MYO18B: variants seen among roughly 807,000 people sequenced by gnomAD.
MYO18B encodes unconventional myosin-XVIIIb.
MYO18B carries 204 observed loss-of-function variants against 273.0 expected under a neutral mutation model. The observed-to-expected ratio is 0.75, with a 90% CI of 0.67 to 0.84. The LOEUF (loss-of-function observed/expected upper bound fraction) is 0.84, where lower values mean the gene tolerates loss of function less well. MYO18B is among the 40% of genes least tolerant of loss of function. MYO18B has a pLI of 0.00. For missense variants in MYO18B, 3,212 were observed against 3,287.6 expected (o/e 0.98, Z 0.56); for synonymous variants, 1,330 against 1,305.7 (o/e 1.02, Z -0.40).
At chr22:25,752,370 G>A (rs1189053749) in intron 1 of MYO18B, among the ~76,000 whole-genome samples, 1 of 150,984 alleles carries the variant, frequency 6.6e-6, no homozygotes, top group Non-Finnish European at 1.5e-5. Context: ...TGTATTTTTA[G>A]TAGAGACGGG....
intron 14 of MYO18B, among the ~76,000 whole-genome samples, chr22:25,828,019 T>G (rs1413830520): frequency 6.6e-6 from 1 of 152,176 alleles, no homozygotes; most frequent in Non-Finnish European, 1.5e-5. Context: ...GAACCAAGGT[T>G]CAACTAAGGG....
chr22:25,972,127 A>T (rs1279019351), intron 39 of MYO18B, among the ~76,000 whole-genome samples: 1 of 151,080 alleles, frequency 6.6e-6, no homozygotes, highest in South Asian at 2.1e-4. Flanking sequence ...AAAAAAATAC[A>T]TACATATATA....
the MYO18B span, among the ~76,000 whole-genome samples, chr22:26,041,560 C>T: frequency 6.6e-6 from 1 of 151,968 alleles, no homozygotes; most frequent in South Asian, 2.1e-4. Flanking sequence ...AATAAAAAGA[C>T]TGGACACCCT....
chr22:25,948,363 C>T (rs1392769588), intron 36 of MYO18B, among the ~76,000 whole-genome samples: 1 of 152,138 alleles, frequency 6.6e-6, no homozygotes, highest in Non-Finnish European at 1.5e-5. Flanking sequence ...CATTTATTCA[C>T]CTATCCACCT....
At chr22:25,811,786 G>C (rs1001028257) in intron 12 of MYO18B, among the ~76,000 whole-genome samples, 2 of 152,074 alleles carry the variant, frequency 1.3e-5, no homozygotes, top group African/African-American at 4.8e-5. Context: ...TGCCATTTTG[G>C]TATTATAAAT....
chr22:25,868,269 G>C, intron 21 of MYO18B, 51 bp from the exon 22 acceptor site: 1 of 1,496,612 alleles, frequency 6.7e-7, no homozygotes, highest in African/African-American at 1.4e-5. Flanking sequence ...TTCCCCTTTA[G>C]GATCCTCCTA....
At chr22:25,907,838 C>G (rs959475018) in intron 31 of MYO18B, among the ~76,000 whole-genome samples, 4 of 152,008 alleles carry the variant, frequency 2.6e-5, no homozygotes, top group Non-Finnish European at 5.9e-5. Context: ...AGTTTGAGAT[C>G]ATCTTGATCA....
rs369298448 is a variant in MYO18B, at chr22:25,749,134, T to C, written c.-110+6841T>C. 2.0e-4 allele frequency among the ~76,000 whole-genome samples: 31 copies of C among 152,294 alleles called. No individual in the cohort carries two copies. The South Asian group carries it at 5.6e-3, about 27-fold the overall frequency. On this transcript the variant is annotated intron_variant, in intron 1 of 43. Coordinates refer to ENST00000335473, the MANE Select transcript of MYO18B (RefSeq NM_032608.7). The stretch of plus-strand genomic sequence containing the variant: ...GGCAGCCACTATCCGTCTATCAGGA[T>C]TGATATGTGAATTAAAACCTACTTC...
chr22:25,932,411 C>CTTT (rs778189259), intron 34 of MYO18B, among the ~76,000 whole-genome samples: 1,350 of 81,504 alleles, frequency 0.017, 20 homozygotes, highest in African/African-American at 0.041. Flanking sequence ...TCTTTTCTTT[C>CTTT]TTTTTTTTTT....
At chr22:25,783,050 T>C (rs1489802187) in intron 10 of MYO18B, among the ~76,000 whole-genome samples, 1 of 152,174 alleles carries the variant, frequency 6.6e-6, no homozygotes, top group Non-Finnish European at 1.5e-5. Context: ...TGTATCCCAG[T>C]GTTGTGGTGA....
chr22:26,063,608 G>A, the MYO18B span, among the ~76,000 whole-genome samples: 1 of 152,058 alleles, frequency 6.6e-6, no homozygotes, highest in Non-Finnish European at 1.5e-5. Flanking sequence ...TTCCATCTCT[G>A]ATCAACATGG....
Position 26,004,816 on chromosome 22 carries a change from C to T in MYO18B, c.6431C>T (p.Ser2144Phe). 1 of 1,613,868 alleles carries T rather than the reference C, an allele frequency of 6.2e-7. No homozygotes were observed. The highest frequency in any genetic ancestry group is 8.5e-7 in the Non-Finnish European group (1 of 1,179,790). ...SLATDTMRTPSRQSATSSRIL... is the reference protein window; with the variant it reads ...SLATDTMRTPFRQSATSSRIL... ...GCCACAGATACTATGAGGACTCCTT[C>T]TCGACAGTCAGCCACCAGCAGCCGC... is the stretch of plus-strand genomic sequence containing the variant. The change falls in exon 42 of 44, where the codon TCT (serine) becomes TTT (phenylalanine). Residue 2144 changes from serine (S) to phenylalanine (F), a missense_variant. Ser to Phe is a radical substitution (Grantham distance 155). Coordinates refer to ENST00000335473, the MANE Select transcript of MYO18B (RefSeq NM_032608.7).
intron 42 of MYO18B, among the ~76,000 whole-genome samples, chr22:26,024,693 G>A (rs1330872842): frequency 6.6e-6 from 1 of 152,170 alleles, no homozygotes; most frequent in Non-Finnish European, 1.5e-5. Flanking sequence ...CATTGCCATG[G>A]CGATCTCACA....
rs773453954 is a variant in MYO18B at position 25,769,129 on chromosome 22, G to A, written c.1213G>A (p.Ala405Thr). The change falls in exon 4 of 44, where the codon GCA becomes ACA. Residue 405 changes from alanine (A) to threonine (T), a missense_variant. By Grantham distance (58) the Ala-to-Thr change is moderately conservative. Coordinates refer to ENST00000335473, the MANE Select transcript of MYO18B (RefSeq NM_032608.7). ...MGQPQGKSGN[A>T]GEARSQTEKG... ...GCAACCCCAGGGTAAGTCCGGGAAC[G>A]CAGGTGAAGCTCGGAGTCAGACAGA... 1.0e-4 allele frequency: 164 copies of A among 1,613,492 alleles called. No individual in the cohort carries two copies. Among genetic ancestry groups the A allele is most frequent in the South Asian group, 2.7e-4 (25 of 90,918 alleles).
chr22:25,834,778 C>A (rs796364243), intron 16 of MYO18B, among the ~76,000 whole-genome samples: 11 of 152,168 alleles, frequency 7.2e-5, no homozygotes, highest in Non-Finnish European at 1.5e-4. Context: ...GCTATTGACT[C>A]GTGTTCACCT....
intron 1 of MYO18B, chr22:25,756,486 G>T (rs375391437): frequency 6.6e-6 from 1 of 152,358 alleles, no homozygotes; most frequent in South Asian, 2.1e-4. Context: ...CAGAATAAAA[G>T]ACCTGATTTG....
chr22:25,958,522 C>T (rs541600020), intron 39 of MYO18B, among the ~76,000 whole-genome samples: 10 of 152,268 alleles, frequency 6.6e-5, no homozygotes, highest in African/African-American at 2.2e-4. Context: ...GGGAGGAAGT[C>T]ATACTTTCTT....
the MYO18B span, among the ~76,000 whole-genome samples, chr22:26,051,199 A>T: frequency 4.7e-5 from 7 of 148,884 alleles, no homozygotes; most frequent in Non-Finnish European, 5.9e-5. Flanking sequence ...GCCAGAGAAG[A>T]TATGGATAAT....
rs201944709 is a variant in MYO18B at position 25,768,791 on chromosome 22, C to T, written c.875C>T (p.Thr292Met). 38 of 1,609,438 alleles carry T rather than the reference C, an allele frequency of 2.4e-5. No individual in the cohort carries two copies. The highest frequency in any genetic ancestry group is 3.3e-5 in the South Asian group (3 of 90,130). Residue 292 changes from threonine (T) to methionine (M), a missense_variant, in exon 4 of 44, where the codon ACG (threonine) becomes ATG (methionine). Coordinates refer to ENST00000335473, the MANE Select transcript of MYO18B (RefSeq NM_032608.7). ...AEKEGAEPTN[T>M]VEKGNVSKDV... Reference sequence around the variant, plus strand: ...AAGGAGGGAGCAGAGCCCACAAACACGGTGGAAAAGGGGAATGTCTCTAAG... The same window carrying T: ...AAGGAGGGAGCAGAGCCCACAAACATGGTGGAAAAGGGGAATGTCTCTAAG...
Sources: allele counts gnomAD v4.1 joint callset (sites outside exome capture counted in the v4.1 genomes callset), GRCh38; gene constraint gnomAD v4.1.1; transcripts MANE v1.5; gene names NCBI Gene and HGNC (gene_info 2026-07-23, HGNC 2026-07-21).